Variants in DDX60L observed in about 807,000 individuals in gnomAD.
DDX60L encodes probable ATP-dependent RNA helicase DDX60-like.
DDX60L carries 191 observed loss-of-function variants against 211.6 expected under a neutral mutation model. The observed-to-expected ratio is 0.90, with a 90% CI of 0.80 to 1.02. The LOEUF is 1.02. Ranked by LOEUF, DDX60L falls within the 50% of genes least tolerant of loss-of-function variation. The pLI is 0.00. For synonymous variants in DDX60L, 706 were observed against 694.1 expected, an observed-to-expected ratio of 1.02 and a Z score of -0.27; for missense variants, 2,007 against 1,984.1, an observed-to-expected ratio of 1.01 and a Z score of -0.22.
chr4:168,477,143 C>T (rs771740402), intron 1 of DDX60L, among the ~76,000 whole-genome samples: 5 of 152,114 alleles, frequency 3.3e-5, no homozygotes, highest in African/African-American at 4.8e-5. Flanking sequence ...TGGCTGGGCG[C>T]GGTGGCTCAC....
chr4:168,432,926 T>G, intron 11 of DDX60L, 84 bp downstream of exon 11: 1 of 793,732 alleles, frequency 1.3e-6, no homozygotes, highest in Non-Finnish European at 2.1e-6. Context: ...TATGATATAT[T>G]ACATAGACAT....
chr4:168,391,124 G>A (rs560750822), intron 29 of DDX60L, among the ~76,000 whole-genome samples: 20 of 151,998 alleles, frequency 1.3e-4, no homozygotes, highest in Non-Finnish European at 2.8e-4. Context: ...AAAAGACCCA[G>A]GAATTGATAA....
chr4:168,393,729 T>A (rs1247588180), intron 28 of DDX60L, among the ~76,000 whole-genome samples: 1 of 152,322 alleles, frequency 6.6e-6, no homozygotes, highest in East Asian at 1.9e-4. Context: ...GTTAGTCTAG[T>A]GCAAGTTTTT....
intron 1 of DDX60L, among the ~76,000 whole-genome samples, chr4:168,476,994 G>A (rs1759598057): frequency 6.6e-6 from 1 of 152,218 alleles, no homozygotes; most frequent in Non-Finnish European, 1.5e-5. Flanking sequence ...CGACTGGCCA[G>A]GAAAATCTGC....
chr4:168,449,810 A>AT (rs1554017231), intron 8 of DDX60L, among the ~76,000 whole-genome samples: 2 of 92,834 alleles, frequency 2.2e-5, no homozygotes, highest in Non-Finnish European at 2.3e-5. Flanking sequence ...AAAAATAAAA[A>AT]AAAAAAAAAA....
chr4:168,406,770 T>A, intron 22 of DDX60L, 64 bp from the exon 23 acceptor site: 1 of 1,220,738 alleles, frequency 8.2e-7, no homozygotes, highest in Non-Finnish European at 1.1e-6. Context: ...ATTTCTTTTA[T>A]TTTATCTTTC....
intron 29 of DDX60L, among the ~76,000 whole-genome samples, chr4:168,388,030 T>A (rs956740673): frequency 3.3e-5 from 5 of 152,186 alleles, no homozygotes. Context: ...CAGCCTGGCA[T>A]AGATGGACGC....
chr4:168,393,231 C>G (rs1305382125), intron 28 of DDX60L, among the ~76,000 whole-genome samples: 1 of 152,200 alleles, frequency 6.6e-6, no homozygotes, highest in Non-Finnish European at 1.5e-5. Flanking sequence ...CATGGTGGCT[C>G]ACGCCTGTAA....
chr4:168,371,838 G>T, intron 35 of DDX60L, 75 bp from the exon 36 acceptor site: 1 of 1,336,550 alleles, frequency 7.5e-7, no homozygotes, highest in Non-Finnish European at 1.0e-6. Flanking sequence ...GATTTCCTTT[G>T]TATGAATCTG....
intron 30 of DDX60L, among the ~76,000 whole-genome samples, chr4:168,383,026 G>A (rs1441458196): frequency 6.6e-6 from 1 of 152,152 alleles, no homozygotes; most frequent in East Asian, 1.9e-4. Context: ...ACAGTTCTGA[G>A]ATTTAGGAAA....
Position 168,471,921 on chromosome 4 carries a change from TA to T in DDX60L, c.89del (p.Leu30Ter). ...AAAAATTAGATTCCACAAAATCATT[TA>T]ATATGCTGGAATACCTAAAATAAAA... ...EMPKAGYSSILNDFVESNFFV... is the reference protein window; with the variant it reads ...EMPKAGYSSIXNDFVESNFFV... On this transcript the variant is annotated frameshift_variant, in exon 4 of 38. Coordinates refer to ENST00000682922, the MANE Select transcript of DDX60L (RefSeq NM_001012967.3). LOFTEE classifies it high-confidence loss of function. 1.9e-6 allele frequency: 3 copies of T among 1,603,254 alleles called. No individual in the cohort carries two copies. Among genetic ancestry groups the T allele is most frequent in the Non-Finnish European group, 2.6e-6 (3 of 1,175,362 alleles).
intron 36 of DDX60L, among the ~76,000 whole-genome samples, chr4:168,367,605 T>G (rs1337327450): frequency 6.6e-6 from 1 of 152,154 alleles, no homozygotes; most frequent in Non-Finnish European, 1.5e-5. Flanking sequence ...GGAAGTGACT[T>G]TGGAACTGGG....
chr4:168,405,098 T>TC (rs1747511614), intron 24 of DDX60L, among the ~76,000 whole-genome samples: 1 of 151,998 alleles, frequency 6.6e-6, no homozygotes, highest in Non-Finnish European at 1.5e-5. Flanking sequence ...AACCTCTGCC[T>TC]CCCAGGCTCA....
chr4:168,377,944 T>A (rs1742265636), intron 33 of DDX60L: 1 of 152,810 alleles, frequency 6.5e-6, no homozygotes, highest in Admixed American at 6.5e-5. Flanking sequence ...GGATTCTTTC[T>A]TAGGTGACCA....
At chr4:168,415,550 T>C (rs1260080740) in intron 21 of DDX60L, 33 bp from the exon 22 acceptor site, 6 of 1,476,710 alleles carry the variant, frequency 4.1e-6, no homozygotes, top group African/African-American at 2.8e-5. Context: ...TCCAAATTAA[T>C]GGACATACGA....
Position 168,461,790 on chromosome 4 carries a change from A to G in DDX60L, c.515T>C (p.Val172Ala). The change falls in exon 5 of 38, where the codon GTT (valine) becomes GCT (alanine). Residue 172 changes from valine to alanine, a missense_variant. Physicochemically the swap from Val to Ala is moderately conservative, Grantham distance 64. Coordinates refer to ENST00000682922, the MANE Select transcript of DDX60L (RefSeq NM_001012967.3). ...IIHSWGMKVN[V>A]VLSSGHESDT... ...AGATTCATGCCCTGATGAAAGCACA[A>G]CATTGACTTTCATTCCCCAGGAATG... is the stretch of plus-strand genomic sequence containing the variant. 1.9e-6 allele frequency: 3 copies of G among 1,605,362 alleles called. No homozygotes were observed. In the South Asian group the frequency reaches 3.3e-5, roughly 18 times the overall value.
intron 36 of DDX60L, among the ~76,000 whole-genome samples, chr4:168,368,365 A>G (rs1243861712): frequency 6.6e-6 from 1 of 152,224 alleles, no homozygotes; most frequent in Non-Finnish European, 1.5e-5. Context: ...CATGGTGTTC[A>G]GCCTGCAGGT....
chr4:168,423,547 T>C, intron 15 of DDX60L, 61 bp downstream of exon 15: 1 of 1,165,504 alleles, frequency 8.6e-7, no homozygotes, highest in East Asian at 2.6e-5. Flanking sequence ...GACCTATTAG[T>C]TATTCTTCCA....
At chr4:168,435,211 C>T (rs1399333349) in intron 10 of DDX60L, among the ~76,000 whole-genome samples, 2 of 152,204 alleles carry the variant, frequency 1.3e-5, no homozygotes, top group East Asian at 3.8e-4. Flanking sequence ...TCACCAGTTT[C>T]AGAATGCGTA....
Sources: allele counts gnomAD v4.1 joint callset (sites outside exome capture counted in the v4.1 genomes callset), GRCh38; gene constraint gnomAD v4.1.1; transcripts MANE v1.5; gene names NCBI Gene and HGNC (gene_info 2026-07-23, HGNC 2026-07-21).